SUMF1: variants seen among roughly 807,000 people sequenced by gnomAD.
SUMF1 encodes the protein formylglycine-generating enzyme.
SUMF1 carries 48 observed loss-of-function variants against 47.6 expected under a neutral mutation model. The ratio of observed to expected loss-of-function variants is 1.01; its 90% confidence interval spans 0.80 to 1.28. SUMF1 has a LOEUF of 1.28. Among genes scored for constraint, SUMF1 ranks in the 50% most tolerant of loss-of-function variants. SUMF1 has a pLI of 0.00. For synonymous variants in SUMF1, 230 were observed against 192.1 expected, an observed-to-expected ratio of 1.20 and a Z score of -1.63; for missense variants, 571 against 485.4, an observed-to-expected ratio of 1.18 and a Z score of -1.66.
chr3:4,156,263 G>C (rs950463017), intron 8 of SUMF1, among the ~76,000 whole-genome samples: 1 of 151,332 alleles, frequency 6.6e-6, no homozygotes, highest in African/African-American at 2.5e-5. Flanking sequence ...ACTTGCAACA[G>C]GTCACACAAC....
chr3:4,040,186 T>C (rs1157864829), intron 9 of SUMF1, among the ~76,000 whole-genome samples: 1 of 152,174 alleles, frequency 6.6e-6, no homozygotes, highest in African/African-American at 2.4e-5. Context: ...CATTTTGTAC[T>C]CCTTAAATAT....
intron 8 of SUMF1, among the ~76,000 whole-genome samples, chr3:4,088,384 T>G (rs1692716150): frequency 6.6e-6 from 1 of 152,006 alleles, no homozygotes; most frequent in Non-Finnish European, 1.5e-5. Flanking sequence ...AATATATATT[T>G]GCCCAAAAAA....
intron 8 of SUMF1, among the ~76,000 whole-genome samples, chr3:4,279,813 A>G (rs889707498): frequency 7.2e-5 from 11 of 152,196 alleles, no homozygotes; most frequent in Non-Finnish European, 1.6e-4. Flanking sequence ...ATTTCCTAAA[A>G]TTATCAACTT....
intron 8 of SUMF1, among the ~76,000 whole-genome samples, chr3:4,070,098 T>C (rs1695484208): frequency 6.6e-6 from 1 of 152,200 alleles, no homozygotes; most frequent in Non-Finnish European, 1.5e-5. Context: ...GGTCTTCAGA[T>C]AAACTCAACG....
At chr3:4,117,855 C>G (rs1693456925) in intron 8 of SUMF1, among the ~76,000 whole-genome samples, 1 of 152,008 alleles carries the variant, frequency 6.6e-6, no homozygotes, top group Non-Finnish European at 1.5e-5. Context: ...CTACATGGTT[C>G]TAATTGGTAT....
chr3:4,090,663 T>G (rs2125052597), intron 8 of SUMF1, among the ~76,000 whole-genome samples: 1 of 152,270 alleles, frequency 6.6e-6, no homozygotes, highest in East Asian at 1.9e-4. Context: ...TGTTTGTTTT[T>G]GAACTGCATG....
At chr3:4,316,406 T>C in intron 8 of SUMF1, 4 of 1,577,870 alleles carry the variant, frequency 2.5e-6, no homozygotes, top group Non-Finnish European at 3.4e-6. Context: ...ATGAGGAGCG[T>C]AGTGGCCGGC....
intron 8 of SUMF1, among the ~76,000 whole-genome samples, chr3:4,073,049 T>G (rs1087825): frequency 0.25 from 37,519 of 152,024 alleles, 5,199 homozygotes; most frequent in Middle Eastern, 0.31. Flanking sequence ...TCACCAAGGT[T>G]TAAATGAAGG....
At chr3:4,285,428 G>A (rs901147505) in intron 8 of SUMF1, among the ~76,000 whole-genome samples, 1 of 151,752 alleles carries the variant, frequency 6.6e-6, no homozygotes, top group African/African-American at 2.4e-5. Flanking sequence ...TTCTTTTTTT[G>A]TGACTCTCTA....
chr3:4,336,251 G>A (rs922168908), intron 8 of SUMF1, among the ~76,000 whole-genome samples: 4 of 152,224 alleles, frequency 2.6e-5, no homozygotes, highest in East Asian at 1.9e-4. Context: ...GCAAAAAGGG[G>A]AAAAAAGGAG....
chr3:4,335,589 G>A (rs1403560222), intron 8 of SUMF1, among the ~76,000 whole-genome samples: 3 of 152,086 alleles, frequency 2.0e-5, no homozygotes, highest in Non-Finnish European at 4.4e-5. Flanking sequence ...CGAGGTCAGG[G>A]ACCTCTGAAG....
At chr3:4,195,187 T>TA (rs1174113929) in intron 8 of SUMF1, among the ~76,000 whole-genome samples, 2 of 152,092 alleles carry the variant, frequency 1.3e-5, no homozygotes, top group Non-Finnish European at 2.9e-5. Context: ...ATTTGAAACA[T>TA]ATCATATTTT....
intron 8 of SUMF1, among the ~76,000 whole-genome samples, chr3:4,210,730 TGA>T (rs1204230446): frequency 6.6e-6 from 1 of 152,126 alleles, no homozygotes; most frequent in Non-Finnish European, 1.5e-5. Flanking sequence ...TGGTTAACAC[TGA>T]GTGTCAACTG....
At chr3:4,426,632 C>T (rs1270034455) in intron 3 of SUMF1, among the ~76,000 whole-genome samples, 1 of 152,170 alleles carries the variant, frequency 6.6e-6, no homozygotes, top group Non-Finnish European at 1.5e-5. Context: ...CAGATTGTGA[C>T]ATCTATAATT....
Position 4,296,306 on chromosome 3 carries a change from TA to T in SUMF1, c.1014+80023del, listed in dbSNP as rs10662776. Among the ~76,000 whole-genome samples, 1,251 of 143,518 alleles carry T rather than the reference TA, an allele frequency of 8.7e-3. 16 individuals are homozygous for T. Among genetic ancestry groups the T allele is most frequent in the African/African-American group, 0.024 (955 of 39,422 alleles). 94.2% of individuals were successfully genotyped at this position (143,518 alleles called of 152,430 possible). On this transcript the variant is annotated intron_variant and NMD_transcript_variant, in intron 8 of 12. Coordinates refer to the SUMF1 transcript ENST00000448413. ...AGACACATCAGAAAGGCAAAATAGT[TA>T]AAAAAAAAAAAAAGCTTACCCATCT...
In SUMF1 at chr3:4,089,163, C is replaced by T. The variant is rs73129137; in HGVS notation, c.1015-20418G>A. Among the ~76,000 whole-genome samples, 93 of 152,198 alleles carry T rather than the reference C, an allele frequency of 6.1e-4. 1 individual carries two copies. The highest frequency in any genetic ancestry group is 2.2e-3 in the African/African-American group (90 of 41,496). On this transcript the variant is annotated intron_variant and NMD_transcript_variant, in intron 8 of 12. Coordinates refer to the SUMF1 transcript ENST00000448413. ...TGTATTCTGAAACTCCACCCTTTTG[C>T]TCCTACTCACAAAGCATCCAAGATC...
At chr3:4,232,418 G>T (rs759048241) in intron 8 of SUMF1, among the ~76,000 whole-genome samples, 8 of 152,038 alleles carry the variant, frequency 5.3e-5, no homozygotes, top group Non-Finnish European at 1.0e-4. Flanking sequence ...GACTGCCAGG[G>T]TTCATCACGT....
chr3:4,201,969 T>G (rs1476447606), intron 8 of SUMF1, among the ~76,000 whole-genome samples: 1 of 152,046 alleles, frequency 6.6e-6, no homozygotes, highest in African/African-American at 2.4e-5. Context: ...TTTTTCCTAT[T>G]GAGTTGTTTC....
chr3:4,441,923 A>G (rs189821107), intron 3 of SUMF1, among the ~76,000 whole-genome samples: 181 of 152,334 alleles, frequency 1.2e-3, no homozygotes, highest in Middle Eastern at 0.01. Flanking sequence ...AAAACCCAGG[A>G]ACAATGTGCA....
Sources: gnomAD v4.1 joint callset for allele counts (sites outside exome capture counted in the v4.1 genomes callset) on GRCh38, gnomAD v4.1.1 for gene constraint, MANE v1.5 for transcripts, NCBI Gene and HGNC (gene_info 2026-07-23, HGNC 2026-07-21) for gene names.